The following USH2A variants were observed in gnomAD, a reference collection of about 807,000 sequenced individuals.
USH2A encodes the protein usherin.
A neutral mutation model predicts 538.9 loss-of-function variants in USH2A; 443 were observed. That is an observed-to-expected ratio of 0.82 (90% CI 0.76 to 0.89). The LOEUF (loss-of-function observed/expected upper bound fraction) is 0.89, where lower values mean the gene tolerates loss of function less well. Among genes scored for constraint, USH2A ranks in the 40% least tolerant of loss-of-function variants. USH2A has a pLI of 0.00. For synonymous variants in USH2A, 2,413 were observed against 2,273.5 expected, an observed-to-expected ratio of 1.06 and a Z score of -1.75; for missense variants, 6,633 against 6,324.8, an observed-to-expected ratio of 1.05 and a Z score of -1.65.
chr1:216,376,750 A>G (rs1034677321), intron 3 of USH2A, among the ~76,000 whole-genome samples: 7 of 152,162 alleles, frequency 4.6e-5, no homozygotes, highest in Non-Finnish European at 7.4e-5. Context: ...AGGGCCATCA[A>G]TCAGGCCCTC....
intron 41 of USH2A, among the ~76,000 whole-genome samples, chr1:215,886,164 T>TAATAGAG (rs1665048895): frequency 6.6e-6 from 1 of 152,212 alleles, no homozygotes; most frequent in South Asian, 2.1e-4. Context: ...TCCTAATACC[T>TAATAGAG]GGAACAACCC....
intron 49 of USH2A, among the ~76,000 whole-genome samples, chr1:215,801,622 A>T (rs761692265): frequency 1.3e-5 from 2 of 152,144 alleles, no homozygotes; most frequent in Non-Finnish European, 2.9e-5. Context: ...GTTGAAAGAA[A>T]TTAAAGAAGA....
intron 38 of USH2A, among the ~76,000 whole-genome samples, chr1:215,930,034 G>C (rs1320103320): frequency 6.6e-6 from 1 of 151,810 alleles, no homozygotes; most frequent in African/African-American, 2.4e-5. Flanking sequence ...ACACATTTGG[G>C]CAAATAAACA....
At chr1:216,242,580 T>C (rs2035960360) in intron 13 of USH2A, among the ~76,000 whole-genome samples, 1 of 151,970 alleles carries the variant, frequency 6.6e-6, no homozygotes, top group Non-Finnish European at 1.5e-5. Context: ...TAGATAATAA[T>C]ATAAAAAGAA....
chr1:215,796,821 T>C (rs1241695566), intron 50 of USH2A, among the ~76,000 whole-genome samples: 1 of 152,176 alleles, frequency 6.6e-6, no homozygotes, highest in Non-Finnish European at 1.5e-5. Context: ...CAGTTATGCA[T>C]GCAAAGGAAC....
intron 3 of USH2A, among the ~76,000 whole-genome samples, chr1:216,396,970 G>A (rs980875865): frequency 6.6e-6 from 1 of 152,202 alleles, no homozygotes; most frequent in Admixed American, 6.5e-5. Flanking sequence ...TAGCTGAAAT[G>A]TTGACACACT....
chr1:215,778,600 T>C (rs1257271745), intron 55 of USH2A, among the ~76,000 whole-genome samples: 2 of 152,222 alleles, frequency 1.3e-5, no homozygotes, highest in Admixed American at 6.5e-5. Context: ...AGTCACATTT[T>C]TCCAAGGCCT....
rs138452453 is a variant in USH2A at position 215,837,307 on chromosome 1, A to C, written c.9371+684T>G. 7.0e-3 allele frequency among the ~76,000 whole-genome samples: 1,059 copies of C among 152,210 alleles called. 3 individuals carry two copies. The highest frequency in any genetic ancestry group is 0.011 in the Non-Finnish European group (764 of 68,000). On this transcript the variant is annotated intron_variant, in intron 47 of 71. Coordinates refer to ENST00000307340, the MANE Select transcript of USH2A (RefSeq NM_206933.4). Reference sequence around the variant, plus strand: ...TGCACATGTAAGAGAAGGGTGATTCATTTGGCTTAAGCAAAAAGTATAATG... The same window carrying C: ...TGCACATGTAAGAGAAGGGTGATTCCTTTGGCTTAAGCAAAAAGTATAATG...
Position 216,394,720 on chromosome 1 carries a change from C to CTTTTTTTTTTTTTTTTTTTTTTTTTTT in USH2A, c.651+23793_651+23794insAAAAAAAAAAAAAAAAAAAAAAAAAAA, listed in dbSNP as rs780581599. Among the ~76,000 whole-genome samples the CTTTTTTTTTTTTTTTTTTTTTTTTTTT allele has an allele frequency of 1.0e-4, 12 of 120,324 alleles. 4 individuals carry two copies. The highest frequency in any genetic ancestry group is 9.4e-5 in the Admixed American group (1 of 10,690). The allele number at this position is 120,324 out of a possible 152,430, so 78.9% of individuals were successfully genotyped here. On this transcript the variant is annotated intron_variant, in intron 3 of 71. Coordinates refer to ENST00000307340, the MANE Select transcript of USH2A (RefSeq NM_206933.4). ...CTTAAGGCCTAATAACTGGTCCAGT[C>CTTTTTTTTTTTTTTTTTTTTTTTTTTT]TTTTTTTTTTTTTTTTGAGACAGAG...
intron 30 of USH2A, among the ~76,000 whole-genome samples, chr1:216,061,823 G>A (rs2031195130): frequency 6.6e-6 from 1 of 152,128 alleles, no homozygotes; most frequent in Non-Finnish European, 1.5e-5. Context: ...ACTTAAACTG[G>A]AAGCAAAATG....
chr1:216,143,973 T>G (rs1447273308), intron 21 of USH2A, among the ~76,000 whole-genome samples: 1 of 152,154 alleles, frequency 6.6e-6, no homozygotes, highest in Non-Finnish European at 1.5e-5. Flanking sequence ...AGGAACCCAG[T>G]AGCTATATCA....
At chr1:215,680,622 G>T (rs535282354) in intron 61 of USH2A, among the ~76,000 whole-genome samples, 29 of 151,660 alleles carry the variant, frequency 1.9e-4, no homozygotes, top group South Asian at 1.0e-3. Context: ...TAGCATCCTT[G>T]ACTTTTCAGT....
chr1:215,874,396 C>T (rs1339577538), intron 43 of USH2A, among the ~76,000 whole-genome samples: 19 of 152,088 alleles, frequency 1.2e-4, no homozygotes, highest in Admixed American at 1.2e-3. Context: ...TTACTCCTTA[C>T]CTAAGATAAT....
intron 43 of USH2A, among the ~76,000 whole-genome samples, chr1:215,868,747 G>A (rs1485667739): frequency 6.6e-6 from 1 of 152,160 alleles, no homozygotes. Context: ...TAGACACATG[G>A]ATACACACAG....
chr1:215,899,678 T>C (rs574849590), intron 40 of USH2A, among the ~76,000 whole-genome samples: 22 of 152,280 alleles, frequency 1.4e-4, no homozygotes, highest in African/African-American at 4.8e-4. Context: ...CAAGTATATG[T>C]AAGCAGCCTC....
rs553118666 is a variant in USH2A at position 215,947,240 on chromosome 1, C to T, written c.7121-12445G>A. ...TGTATTTTTAGTAGAGACAGGGTTT[C>T]GCCATGTCACCCAGACTGGTCTCAA... On this transcript the variant is annotated intron_variant, in intron 37 of 71. Coordinates refer to ENST00000307340, the MANE Select transcript of USH2A (RefSeq NM_206933.4). Among the ~76,000 whole-genome samples, 487 of 152,044 alleles carry T rather than the reference C, an allele frequency of 3.2e-3. 1 individual carries two copies. The highest frequency in any genetic ancestry group is 6.3e-3 in the Non-Finnish European group (428 of 67,946).
intron 49 of USH2A, among the ~76,000 whole-genome samples, chr1:215,810,641 A>G (rs1662643309): frequency 6.6e-6 from 1 of 152,184 alleles, no homozygotes; most frequent in African/African-American, 2.4e-5. Context: ...CCATCTGATC[A>G]CTGTAATTAT....
At chr1:215,756,677 G>A (rs1373798242) in intron 58 of USH2A, among the ~76,000 whole-genome samples, 1 of 152,126 alleles carries the variant, frequency 6.6e-6, no homozygotes, top group Admixed American at 6.5e-5. Flanking sequence ...CGTAATCCCA[G>A]CACTTTGGGA....
At chr1:216,257,086 A>G (rs893668019) in intron 11 of USH2A, among the ~76,000 whole-genome samples, 2 of 151,850 alleles carry the variant, frequency 1.3e-5, no homozygotes, top group African/African-American at 4.8e-5. Flanking sequence ...TTAGAAAAAT[A>G]CCCTCCGTAT....
Sources: gnomAD v4.1 joint callset for allele counts (sites outside exome capture counted in the v4.1 genomes callset) on GRCh38, gnomAD v4.1.1 for gene constraint, MANE v1.5 for transcripts, NCBI Gene and HGNC (gene_info 2026-07-23, HGNC 2026-07-21) for gene names.